CPSF2: variants seen among roughly 807,000 people sequenced by gnomAD.
CPSF2 encodes the protein cleavage and polyadenylation specific factor 2, also known as cleavage and polyadenylation specificity factor subunit 2.
Under a neutral mutation model 84.2 loss-of-function variants are expected in CPSF2, and 51 were observed. The ratio of observed to expected loss-of-function variants is 0.61; its 90% CI spans 0.48 to 0.77. The LOEUF is 0.77. CPSF2 is among the 30% of genes least tolerant of loss of function. CPSF2 has a pLI of 0.00. For missense variants in CPSF2, 641 were observed against 929.4 expected (o/e 0.69, Z 4.03); for synonymous variants, 286 against 311.9 (o/e 0.92, Z 0.87).
intron 2 of CPSF2, among the ~76,000 whole-genome samples, chr14:92,128,032 A>G (rs2068864455): frequency 1.3e-5 from 2 of 152,196 alleles, no homozygotes; most frequent in African/African-American, 2.4e-5. Context: ...ATTGAAGGGT[A>G]ATACTTACGG....
At chr14:92,142,714 A>G (rs753266478) in intron 8 of CPSF2, among the ~76,000 whole-genome samples, 1 of 152,196 alleles carries the variant, frequency 6.6e-6, no homozygotes, top group Non-Finnish European at 1.5e-5. Flanking sequence ...TTGAAATAGC[A>G]ATCTTTGGGA....
At position 92,164,211 on chromosome 14, in the gene CPSF2, G is replaced by C. The variant is rs1294183681; in HGVS notation, c.*2467G>C. 1.3e-5 allele frequency: 2 copies of C among 152,234 alleles called. No individual in the cohort carries two copies. The highest frequency in any genetic ancestry group is 4.8e-5 in the African/African-American group (2 of 41,462). 9.4% of individuals were successfully genotyped at this position (152,234 alleles called of 1,614,324 possible). ...TTACTTTATAAATTACCCAGTCTCA[G>C]GCAATTCTTTATAGCAGTGTGAGAA... On this transcript the variant is annotated 3_prime_UTR_variant, in exon 16 of 16. Transcript: ENST00000298875.
intron 7 of CPSF2, 111 bp from the exon 8 acceptor site, chr14:92,142,050 TTGC>T: frequency 1.3e-6 from 1 of 796,834 alleles, no homozygotes; most frequent in South Asian, 2.7e-5. Context: ...GGCCTAGTAG[TTGC>T]TTATTTGTAA....
At chr14:92,132,934 T>TA (rs890451677) in intron 3 of CPSF2, among the ~76,000 whole-genome samples, 1 of 150,722 alleles carries the variant, frequency 6.6e-6, no homozygotes, top group Non-Finnish European at 1.5e-5. Flanking sequence ...CTACTAAAAA[T>TA]AAAAAAATTA....
At chr14:92,137,882 A>G (rs956132326) in intron 6 of CPSF2, among the ~76,000 whole-genome samples, 3 of 152,188 alleles carry the variant, frequency 2.0e-5, no homozygotes, top group Admixed American at 1.3e-4. Context: ...AGGAATGTAT[A>G]TGGGATATCA....
Position 92,169,969 on chromosome 14 carries a change from C to G in CPSF2, c.*8225C>G, listed in dbSNP as rs1021844436. Reference sequence around the variant, plus strand: ...CCTGGGCAACATAGTGAGAACTCATCTCTATTAAAAATCAGAAAAATTGGC... The same window carrying G: ...CCTGGGCAACATAGTGAGAACTCATGTCTATTAAAAATCAGAAAAATTGGC... On this transcript the variant is annotated 3_prime_UTR_variant, in exon 16 of 16. Coordinates refer to ENST00000298875, the MANE Select transcript of CPSF2 (RefSeq NM_017437.3). 2.0e-5 allele frequency: 3 copies of G among 151,994 alleles called. No homozygotes were observed. The highest frequency in any genetic ancestry group is 7.3e-5 in the African/African-American group (3 of 41,356). 9.4% of individuals were successfully genotyped at this position (151,994 alleles called of 1,614,324 possible).
At chr14:92,138,769 G>A (rs1303379949) in intron 7 of CPSF2, among the ~76,000 whole-genome samples, 1 of 152,160 alleles carries the variant, frequency 6.6e-6, no homozygotes, top group Non-Finnish European at 1.5e-5. Context: ...GCACAGTGGT[G>A]AAGTTTGGCC....
chr14:92,134,200 A>G lies in CPSF2; in HGVS notation c.309+30A>G. ...TTTAAGCAATTAAAAAAATTTTGTT[A>G]GCACTCCTTCAGTGATTGTTTTTCA... On this transcript the variant is annotated intron_variant, in intron 4 of 15. Coordinates refer to ENST00000298875, the MANE Select transcript of CPSF2 (RefSeq NM_017437.3). 5 of 1,612,456 alleles carry G rather than the reference A, an allele frequency of 3.1e-6. No homozygotes were observed. The South Asian group carries it at 4.4e-5, about 14-fold the overall frequency.
intron 11 of CPSF2, 60 bp from the exon 12 acceptor site, chr14:92,156,419 T>C (rs1462358931): frequency 2.4e-5 from 34 of 1,401,184 alleles, no homozygotes; most frequent in Middle Eastern, 1.9e-4. Context: ...CTACTAGTCA[T>C]ATATGTTATG....
intron 2 of CPSF2, among the ~76,000 whole-genome samples, chr14:92,128,258 G>C (rs572034929): frequency 6.6e-6 from 1 of 151,994 alleles, no homozygotes; most frequent in South Asian, 2.1e-4. Context: ...AAAAAAATGG[G>C]CCAGGTGGAT....
rs564141531 is a variant in CPSF2 at position 92,135,615 on chromosome 14, C to T, written c.545+119C>T. The stretch of plus-strand genomic sequence containing the variant: ...CCAGAAATTTAGAGCAACTTAAAAC[C>T]GTCAAATAGGGAGTGTTTTCAAAAT... On this transcript the variant is annotated intron_variant, in intron 6 of 15. Coordinates refer to ENST00000298875, the MANE Select transcript of CPSF2 (RefSeq NM_017437.3). 1.2e-4 allele frequency: 108 copies of T among 918,096 alleles called. 1 individual carries two copies. The highest frequency in any genetic ancestry group is 4.6e-5 in the Non-Finnish European group (28 of 608,846). 56.9% of individuals were successfully genotyped at this position (918,096 alleles called of 1,614,324 possible). A position where few individuals can be genotyped will look rare whatever the true frequency, so the allele number is the denominator to read the frequency against.
At chr14:92,135,571 A>C in intron 6 of CPSF2, 75 bp downstream of exon 6, 1 of 1,467,008 alleles carries the variant, frequency 6.8e-7, no homozygotes, top group Non-Finnish European at 9.2e-7. Context: ...AATAAGAAAC[A>C]CAGTTTTTGT....
Position 92,142,017 on chromosome 14 carries a change from C to T in CPSF2, c.662-147C>T, listed in dbSNP as rs1176741159. The T allele has an allele frequency of 1.1e-5, 6 of 568,698 alleles. No individual in the cohort carries two copies. The Admixed American group carries it at 2.0e-4, about 19-fold the overall frequency. 35.2% of individuals were successfully genotyped at this position (568,698 alleles called of 1,614,324 possible). ...TCAAAAGCAGTTGTAATGACCTGAA[C>T]AAAATTCCTTCATTTTGTACTTGGC... On this transcript the variant is annotated intron_variant, in intron 7 of 15. Coordinates refer to ENST00000298875, the MANE Select transcript of CPSF2 (RefSeq NM_017437.3).
intron 2 of CPSF2, among the ~76,000 whole-genome samples, chr14:92,128,990 T>C (rs1305847464): frequency 6.6e-6 from 1 of 152,078 alleles, no homozygotes; most frequent in Non-Finnish European, 1.5e-5. Context: ...ATAGATGCCA[T>C]AGTGAAGAGG....
intron 1 of CPSF2, among the ~76,000 whole-genome samples, chr14:92,124,305 G>GATC (rs2068818387): frequency 6.6e-6 from 1 of 152,176 alleles, no homozygotes; most frequent in Non-Finnish European, 1.5e-5. Flanking sequence ...GTCTCTGACA[G>GATC]CTATATGGAG....
chr14:92,152,647 C>G (rs966251076), intron 9 of CPSF2, among the ~76,000 whole-genome samples: 1 of 151,918 alleles, frequency 6.6e-6, no homozygotes, highest in African/African-American at 2.4e-5. Context: ...CCATGTTGGC[C>G]AGGCTGGTCT....
At chr14:92,148,812 T>G (rs2069175620) in intron 9 of CPSF2, among the ~76,000 whole-genome samples, 1 of 150,334 alleles carries the variant, frequency 6.7e-6, no homozygotes, top group Non-Finnish European at 1.5e-5. Context: ...TATATATATG[T>G]AGAGAGAGAG....
At chr14:92,140,887 C>T (rs1208989847) in intron 7 of CPSF2, among the ~76,000 whole-genome samples, 1 of 151,882 alleles carries the variant, frequency 6.6e-6, no homozygotes, top group Non-Finnish European at 1.5e-5. Context: ...GCACTCCAGC[C>T]TGGGTGACAG....
At chr14:92,141,283 A>G (rs961556305) in intron 7 of CPSF2, among the ~76,000 whole-genome samples, 2 of 152,218 alleles carry the variant, frequency 1.3e-5, no homozygotes, top group Non-Finnish European at 2.9e-5. Flanking sequence ...TATTATAAGC[A>G]ATCTAGAGAT....
Sources: gnomAD v4.1 joint callset for allele counts (sites outside exome capture counted in the v4.1 genomes callset) on GRCh38, gnomAD v4.1.1 for gene constraint, MANE v1.5 for transcripts, NCBI Gene and HGNC (gene_info 2026-07-23, HGNC 2026-07-21) for gene names.